The following GALNT1 variants were observed in gnomAD, a reference collection of about 807,000 sequenced individuals.
The protein encoded by GALNT1 is polypeptide N-acetylgalactosaminyltransferase 1.
GALNT1 carries 17 observed loss-of-function variants against 65.7 expected under a neutral mutation model. The ratio of observed to expected loss-of-function variants is 0.26; its 90% confidence interval spans 0.18 to 0.39. The LOEUF is 0.39. Among genes scored for constraint, GALNT1 ranks in the 10% least tolerant of loss-of-function variants. The probability of loss-of-function intolerance (pLI) is 1.00; values close to 1 mark genes in which losing one functional copy is unlikely to be tolerated. For missense variants in GALNT1, 460 were observed against 672.8 expected (o/e 0.68, Z 3.50); for synonymous variants, 210 against 219.7 (o/e 0.96, Z 0.39).
At chr18:35,620,931 AT>A (rs1200162340) in intron 1 of GALNT1, among the ~76,000 whole-genome samples, 1 of 152,076 alleles carries the variant, frequency 6.6e-6, no homozygotes, top group Non-Finnish European at 1.5e-5. Flanking sequence ...TTATTGCCAG[AT>A]TGCTCTCCAA....
chr18:35,581,265 G>C (rs903208791), upstream of GALNT1: 1 of 151,688 alleles, frequency 6.6e-6, no homozygotes, highest in Non-Finnish European at 1.5e-5. Context: ...ACCCAGGGTC[G>C]GGGGCACCTC....
At chr18:35,613,914 A>C (rs1442285179) in intron 1 of GALNT1, among the ~76,000 whole-genome samples, 1 of 152,184 alleles carries the variant, frequency 6.6e-6, no homozygotes, top group South Asian at 2.1e-4. Flanking sequence ...AGTGAAAAGT[A>C]GTCTCAGTCT....
chr18:35,683,602 A>T lies in GALNT1; in HGVS notation c.689+4A>T. ...TGGCCAGGATCAAACATGACAGGTA[A>T]TTTTCTGGTGTCTGTAAGTTTGCTT... On this transcript the variant is annotated splice_donor_region_variant and intron_variant, in intron 5 of 11. Coordinates refer to ENST00000269195, the MANE Select transcript of GALNT1 (RefSeq NM_020474.4). 6.2e-7 allele frequency: 1 copy of T among 1,612,642 alleles called. No individual in the cohort carries two copies. The highest frequency in any genetic ancestry group is 1.7e-4 in the Middle Eastern group (1 of 6,052).
In GALNT1 at chr18:35,711,127, G is replaced by GAATC. The variant is rs1045269783; in HGVS notation, c.*1359_*1362dup. ...TTCTCTGATTTTTTTTAATACCACA[G>GAATC]AATCACCTGAGTGTCAATTGAAAGT... On this transcript the variant is annotated 3_prime_UTR_variant, in exon 12 of 12. Coordinates refer to ENST00000269195, the MANE Select transcript of GALNT1 (RefSeq NM_020474.4). The GAATC allele has an allele frequency of 1.3e-5, 2 of 151,626 alleles. No homozygotes were observed. Among genetic ancestry groups the GAATC allele is most frequent in the Admixed American group, 1.3e-4 (2 of 15,188 alleles). 9.4% of individuals were successfully genotyped at this position (151,626 alleles called of 1,614,324 possible).
At chr18:35,611,677 A>G (rs2046719250) in intron 1 of GALNT1, among the ~76,000 whole-genome samples, 1 of 152,210 alleles carries the variant, frequency 6.6e-6, no homozygotes, top group African/African-American at 2.4e-5. Context: ...AGGAATTCTC[A>G]TGGTCTTGAG....
intron 1 of GALNT1, among the ~76,000 whole-genome samples, chr18:35,594,808 A>T (rs1568012287): frequency 6.6e-6 from 1 of 152,160 alleles, no homozygotes. Context: ...GGAGACCATG[A>T]TGGTGGTGTA....
intron 2 of GALNT1, among the ~76,000 whole-genome samples, chr18:35,656,007 G>C (rs1199355453): frequency 6.6e-6 from 1 of 152,156 alleles, no homozygotes; most frequent in East Asian, 1.9e-4. Context: ...CTGCTGTTGA[G>C]TATCTTTGTT....
intron 1 of GALNT1, among the ~76,000 whole-genome samples, chr18:35,584,580 T>C (rs1020019714): frequency 6.6e-6 from 1 of 152,196 alleles, no homozygotes; most frequent in Non-Finnish European, 1.5e-5. Context: ...TCAATTAATA[T>C]TTATTGACTC....
intron 1 of GALNT1, among the ~76,000 whole-genome samples, chr18:35,618,485 G>A (rs2046812487): frequency 6.6e-6 from 1 of 152,016 alleles, no homozygotes; most frequent in Non-Finnish European, 1.5e-5. Context: ...TGCATTATGG[G>A]TAATAAAGAC....
At chr18:35,648,444 CAACTTATGATGGGTTTATTGGT>C (rs1220306184) in intron 1 of GALNT1, among the ~76,000 whole-genome samples, 4 of 152,174 alleles carry the variant, frequency 2.6e-5, no homozygotes. Context: ...AAGATGTTTT[CAACTTATGATGGGTTTATTGGT>C]ACATTACCCC....
chr18:35,648,346 A>G (rs977680710), intron 1 of GALNT1, among the ~76,000 whole-genome samples: 1 of 152,200 alleles, frequency 6.6e-6, no homozygotes, highest in African/African-American at 2.4e-5. Flanking sequence ...TGCTAATGCA[A>G]GTGTTCTGAG....
intron 1 of GALNT1, among the ~76,000 whole-genome samples, chr18:35,636,762 G>A (rs1418912229): frequency 1.8e-5 from 2 of 113,854 alleles, no homozygotes; most frequent in Non-Finnish European, 3.6e-5. Context: ...TTGTTTTATT[G>A]TACTTCACAG....
At chr18:35,706,192 G>A (rs2048255485) in intron 11 of GALNT1, among the ~76,000 whole-genome samples, 1 of 152,166 alleles carries the variant, frequency 6.6e-6, no homozygotes, top group South Asian at 2.1e-4. Context: ...TGATGAAACA[G>A]GTAAGAAGCT....
intron 1 of GALNT1, among the ~76,000 whole-genome samples, chr18:35,620,324 C>T (rs994409617): frequency 6.6e-6 from 1 of 152,152 alleles, no homozygotes; most frequent in Non-Finnish European, 1.5e-5. Context: ...TTCCCACCCA[C>T]TGATTTCTGA....
intron 2 of GALNT1, among the ~76,000 whole-genome samples, chr18:35,662,139 A>G (rs2047486408): frequency 6.7e-6 from 1 of 150,058 alleles, no homozygotes; most frequent in South Asian, 2.1e-4. Context: ...GGCTGATTTT[A>G]TATGGAGTAT....
chr18:35,685,929 G>A (rs1282213909), intron 5 of GALNT1, among the ~76,000 whole-genome samples: 1 of 152,050 alleles, frequency 6.6e-6, no homozygotes, highest in African/African-American at 2.4e-5. Context: ...TTAGGCAGTC[G>A]TGGTGGTGCA....
chr18:35,641,299 T>C (rs2047159567), intron 1 of GALNT1, among the ~76,000 whole-genome samples: 1 of 152,006 alleles, frequency 6.6e-6, no homozygotes, highest in South Asian at 2.1e-4. Context: ...ATACAAAAAT[T>C]AGGCGGGCAT....
intron 6 of GALNT1, among the ~76,000 whole-genome samples, chr18:35,687,705 A>T (rs1321810104): frequency 6.6e-6 from 1 of 151,902 alleles, no homozygotes; most frequent in African/African-American, 2.4e-5. Context: ...TTATTCTCTG[A>T]TTTTTTTTCT....
intron 3 of GALNT1, among the ~76,000 whole-genome samples, chr18:35,671,647 A>AT (rs913171780): frequency 6.6e-6 from 1 of 151,838 alleles, no homozygotes; most frequent in African/African-American, 2.4e-5. Context: ...TATCTTTTTC[A>AT]TTTTTTTCCT....
Sources: allele counts gnomAD v4.1 joint callset (sites outside exome capture counted in the v4.1 genomes callset), GRCh38; gene constraint gnomAD v4.1.1; transcripts MANE v1.5; gene names NCBI Gene and HGNC (gene_info 2026-07-23, HGNC 2026-07-21).